Variants in PON2 observed in about 807,000 individuals in gnomAD.
The protein encoded by PON2 is serum paraoxonase/arylesterase 2.
In PON2, 27 loss-of-function variants were observed where a neutral mutation model predicts 36.6. That is an observed-to-expected ratio of 0.74 (90% confidence interval 0.54 to 1.02). PON2 has a LOEUF of 1.02. PON2 is among the 50% of genes least tolerant of loss of function. The probability of loss-of-function intolerance (pLI) is 0.00; values close to 1 mark genes in which losing one functional copy is unlikely to be tolerated. For missense variants in PON2, 363 were observed against 421.1 expected (o/e 0.86, Z 1.21); for synonymous variants, 149 against 156.3 (o/e 0.95, Z 0.35).
intron 5 of PON2, 69 bp downstream of exon 5, chr7:95,411,584 A>G (rs1788925092): frequency 6.3e-7 from 1 of 1,585,776 alleles, no homozygotes; most frequent in Non-Finnish European, 8.7e-7. Flanking sequence ...AGATGACAGG[A>G]CAACCCACCA....
chr7:95,406,011 T>C (rs1809677357), intron 8 of PON2, 108 bp downstream of exon 8: 7 of 1,302,004 alleles, frequency 5.4e-6, no homozygotes, highest in Non-Finnish European at 7.5e-6. Flanking sequence ...AAGCTTATTA[T>C]ATTATTGCTT....
intron 3 of PON2, 33 bp downstream of exon 3, chr7:95,416,209 C>T: frequency 6.2e-7 from 1 of 1,611,632 alleles, no homozygotes. Flanking sequence ...TGTATCTCCT[C>T]TGCTGAATTT....
intron 2 of PON2, among the ~76,000 whole-genome samples, chr7:95,419,673 A>G (rs931390227): frequency 6.6e-6 from 1 of 152,082 alleles, no homozygotes; most frequent in African/African-American, 2.4e-5. Context: ...AGGATGTGAG[A>G]ATACAATATA....
chr7:95,416,248 A>G lies in PON2; in HGVS notation c.195T>C (p.Phe65=), dbSNP rs115800748. 1.6e-4 allele frequency: 250 copies of G among 1,611,890 alleles called. No individual in the cohort carries two copies. Among genetic ancestry groups the G allele is most frequent in the Admixed American group, 1.3e-3 (78 of 60,022 alleles). Residue 65 remains phenylalanine, a synonymous_variant, in exon 3 of 9, where the codon TTT becomes TTC. Transcript: ENST00000222572. ...IDILPNGLAF[F]SVGLKFPGLH... ...GAAGGAAGAAGACACTCACCACACT[A>G]AAAAAAGCCAGACCATTGGGAAGTA... is the stretch of plus-strand genomic sequence containing the variant.
At chr7:95,416,169 T>A in intron 3 of PON2, 73 bp downstream of exon 3, 1 of 1,608,690 alleles carries the variant, frequency 6.2e-7, no homozygotes, top group Non-Finnish European at 8.5e-7. Context: ...AAAAGCAACT[T>A]ACTGTTCTGC....
intron 2 of PON2, among the ~76,000 whole-genome samples, chr7:95,417,690 G>GACAC (rs555142509): frequency 0.059 from 5,575 of 93,810 alleles, 329 homozygotes; most frequent in African/African-American, 0.19. Context: ...TGTACACACA[G>GACAC]ACACACACAC....
intron 2 of PON2, among the ~76,000 whole-genome samples, chr7:95,423,706 C>T (rs531854721): frequency 2.0e-5 from 3 of 152,202 alleles, no homozygotes; most frequent in East Asian, 1.9e-4. Context: ...TGTGAAGTGC[C>T]GGTACATCAG....
In PON2 at chr7:95,405,133, C is replaced by A. The variant is rs1052047974; in HGVS notation, c.*197G>T. 3.9e-5 allele frequency: 22 copies of A among 568,016 alleles called. No individual in the cohort carries two copies. The highest frequency in any genetic ancestry group is 5.6e-5 in the Non-Finnish European group (18 of 324,322). 35.2% of individuals were successfully genotyped at this position (568,016 alleles called of 1,614,324 possible). On this transcript the variant is annotated 3_prime_UTR_variant, in exon 9 of 9. Coordinates refer to ENST00000222572, the MANE Select transcript of PON2 (RefSeq NM_000305.3). ...GCTTTCTTTTCTGTCCCTTGCTTGGCATTTTAAAGAACCTGTTCATTTTCC... is the reference window on the plus strand; with the variant it reads ...GCTTTCTTTTCTGTCCCTTGCTTGGAATTTTAAAGAACCTGTTCATTTTCC...
chr7:95,415,682 G>GTGGC (rs1193703094), intron 3 of PON2, among the ~76,000 whole-genome samples: 3 of 152,158 alleles, frequency 2.0e-5, no homozygotes, highest in Non-Finnish European at 4.4e-5. Flanking sequence ...GCTGGGCGTG[G>GTGGC]TGGCTCACTC....
chr7:95,430,940 A>G lies in PON2; in HGVS notation c.74+3938T>C, dbSNP rs182412557. On this transcript the variant is annotated intron_variant, in intron 1 of 8. Transcript: ENST00000222572. ...GGAAAAAGGCTGCTCTTTCAGAAGT[A>G]GAAACAGACCACATAGCTTCTTGTG... Among the ~76,000 whole-genome samples, 8 of 150,038 alleles carry G rather than the reference A, an allele frequency of 5.3e-5. No homozygotes were observed. In the East Asian group the frequency reaches 1.6e-3, roughly 29 times the overall value.
rs1789356842 is a variant in PON2, at chr7:95,428,074, TG to T, written c.75-3490del. ...TGCCACTCTGCTGTCATGCAGGAATTGCTAATCAATAACAGCACTCTCCCTC... is the reference window on the plus strand; with the variant it reads ...TGCCACTCTGCTGTCATGCAGGAATTCTAATCAATAACAGCACTCTCCCTC... On this transcript the variant is annotated intron_variant, in intron 1 of 8. Transcript: ENST00000222572. 3.3e-5 allele frequency among the ~76,000 whole-genome samples: 5 copies of T among 152,198 alleles called. No homozygotes were observed. The South Asian group carries it at 1.0e-3, about 32-fold the overall frequency.
chr7:95,423,321 CAAAAAAA>C (rs35269697), intron 2 of PON2, among the ~76,000 whole-genome samples: 1 of 71,154 alleles, frequency 1.4e-5, no homozygotes, highest in Non-Finnish European at 3.1e-5. Context: ...GGCCACCTCT[CAAAAAAA>C]AAAAAAAAAA....
At position 95,405,467 on chromosome 7, in the gene PON2, G is replaced by A. The variant is rs1809657446; in HGVS notation, c.928C>T (p.Leu310=). ...SSEVLRIQNI[L]SEKPTVTTVY... is the part of the protein sequence containing the mutation. ...GTAGTCACTGTAGGCTTCTCAGATA[G>A]AATGTTCTGGATGCGGAGAACCTAT... is the stretch of plus-strand genomic sequence containing the variant. The change falls in exon 9 of 9, where the codon CTA becomes TTA. Residue 310 remains leucine (L), a synonymous_variant. Coordinates refer to ENST00000222572, the MANE Select transcript of PON2 (RefSeq NM_000305.3). The A allele has an allele frequency of 6.2e-7, 1 of 1,613,068 alleles. No individual in the cohort carries two copies.
chr7:95,432,971 T>C (rs1379603600), intron 1 of PON2, among the ~76,000 whole-genome samples: 2 of 152,178 alleles, frequency 1.3e-5, no homozygotes, highest in African/African-American at 4.8e-5. Context: ...CCTACTGCAA[T>C]ACCTTAACCA....
intron 1 of PON2, among the ~76,000 whole-genome samples, chr7:95,428,000 A>T (rs2116503217): frequency 6.6e-6 from 1 of 152,310 alleles, no homozygotes; most frequent in South Asian, 2.1e-4. Context: ...CTAACACTTT[A>T]TGTCTATAAC....
At chr7:95,422,759 G>A (rs1789224789) in intron 2 of PON2, among the ~76,000 whole-genome samples, 1 of 152,150 alleles carries the variant, frequency 6.6e-6, no homozygotes, top group Admixed American at 6.5e-5. Flanking sequence ...CCTACCTCTA[G>A]AGAAGGATGT....
chr7:95,430,369 T>C (rs1036030933), intron 1 of PON2, among the ~76,000 whole-genome samples: 11 of 151,618 alleles, frequency 7.3e-5, no homozygotes, highest in Admixed American at 2.6e-4. Context: ...TGGAGTGCAA[T>C]GGCTCACTGC....
Position 95,434,900 on chromosome 7 carries a change from C to T in PON2, c.52G>A (p.Gly18Ser). 1 of 1,540,108 alleles carries T rather than the reference C, an allele frequency of 6.5e-7. No individual in the cohort carries two copies. The highest frequency in any genetic ancestry group is 8.7e-7 in the Non-Finnish European group (1 of 1,145,206). ...GLLGIALALLGERLLALRNRL... is the reference protein window; with the variant it reads ...GLLGIALALLSERLLALRNRL... The stretch of plus-strand genomic sequence containing the variant: ...TACCTGAGTGCCAGAAGCCTCTCGC[C>T]CAGGAGCGCCAGCGCGATCCCCAGC... Residue 18 changes from glycine (G) to serine (S), a missense_variant, in exon 1 of 9, where the codon GGC (glycine) becomes AGC (serine). Gly to Ser is a moderately conservative substitution (Grantham distance 56). Coordinates refer to ENST00000222572, the MANE Select transcript of PON2 (RefSeq NM_000305.3).
chr7:95,433,447 C>T (rs113539113), intron 1 of PON2, among the ~76,000 whole-genome samples: 42 of 152,120 alleles, frequency 2.8e-4, no homozygotes, highest in African/African-American at 9.9e-4. Flanking sequence ...AGACACCAGC[C>T]CTCCAGGAGA....
Sources: allele counts gnomAD v4.1 joint callset (sites outside exome capture counted in the v4.1 genomes callset), GRCh38; gene constraint gnomAD v4.1.1; transcripts MANE v1.5; gene names NCBI Gene and HGNC (gene_info 2026-07-23, HGNC 2026-07-21).